IGFL2: variants seen among roughly 807,000 people sequenced by gnomAD.
The protein encoded by IGFL2 is insulin growth factor-like family member 2.
Under a neutral mutation model 13.9 loss-of-function variants are expected in IGFL2, and 7 were observed. The observed-to-expected ratio is 0.51, with a 90% CI of 0.29 to 0.95. The LOEUF is 0.95. Ranked by LOEUF, IGFL2 falls within the 40% of genes least tolerant of loss-of-function variation. IGFL2 has a pLI of 0.08. For synonymous variants in IGFL2, 55 were observed against 55.8 expected, an observed-to-expected ratio of 0.99 and a Z score of 0.07; for missense variants, 138 against 147.8, an observed-to-expected ratio of 0.93 and a Z score of 0.34.
At chr19:46,200,035 C>A in the IGFL2 span, among the ~76,000 whole-genome samples, 1 of 152,160 alleles carries the variant, frequency 6.6e-6, no homozygotes, top group African/African-American at 2.4e-5. Context: ...CGCCACCACG[C>A]CTGGCTAATT....
At chr19:46,126,427 T>C in the IGFL2 span, among the ~76,000 whole-genome samples, 1 of 152,232 alleles carries the variant, frequency 6.6e-6, no homozygotes, top group South Asian at 2.1e-4. Context: ...CTTCTTTCTT[T>C]GAATTTTCTT....
chr19:46,167,893 C>A, the IGFL2 span, among the ~76,000 whole-genome samples: 2 of 152,320 alleles, frequency 1.3e-5, no homozygotes, highest in South Asian at 2.1e-4. Flanking sequence ...ACGGCATTGA[C>A]CAGCACCTTG....
rs1233884285 is a variant in IGFL2 at position 46,148,990 on chromosome 19, G to A, written c.19+693G>A. 1.0e-5 allele frequency: 16 copies of A among 1,601,478 alleles called. No individual in the cohort carries two copies. The highest frequency in any genetic ancestry group is 1.4e-5 in the Non-Finnish European group (16 of 1,174,302). ...GGCTCTCAGCGCCAGGAAATCATGA[G>A]GTTCAGTGTCTCAGGCATGAGGACC... On this transcript the variant is annotated intron_variant, in intron 1 of 3. Transcript: ENST00000377693.
the IGFL2 span, among the ~76,000 whole-genome samples, chr19:46,170,214 C>T: frequency 2.0e-5 from 3 of 151,518 alleles, no homozygotes; most frequent in Non-Finnish European, 4.4e-5. Context: ...GTGTTGGTGT[C>T]ACTCACTGTT....
chr19:46,087,724 A>G, the IGFL2 span, among the ~76,000 whole-genome samples: 2,051 of 152,372 alleles, frequency 0.013, 31 homozygotes, highest in Middle Eastern at 0.027. Flanking sequence ...TCCTTGGGGC[A>G]TGAGAAAATG....
chr19:46,112,388 T>A, the IGFL2 span, among the ~76,000 whole-genome samples: 1 of 152,204 alleles, frequency 6.6e-6, no homozygotes, highest in Admixed American at 6.5e-5. Context: ...CTAGTGACCC[T>A]GTTTTTCCAA....
chr19:46,140,550 A>G (rs1972816410), upstream of IGFL2, among the ~76,000 whole-genome samples: 1 of 152,196 alleles, frequency 6.6e-6, no homozygotes, highest in Admixed American at 6.5e-5. Context: ...TTTCTAGTCA[A>G]GCATGTAAGA....
chr19:46,086,895 A>G, the IGFL2 span, among the ~76,000 whole-genome samples: 1 of 152,106 alleles, frequency 6.6e-6, no homozygotes, highest in African/African-American at 2.4e-5. Flanking sequence ...GGCTATAAAC[A>G]GCATCAGTGG....
the IGFL2 span, among the ~76,000 whole-genome samples, chr19:46,110,058 C>T: frequency 1.3e-5 from 2 of 152,194 alleles, no homozygotes; most frequent in East Asian, 3.9e-4. Context: ...GATTGTAGCC[C>T]TCCAGGCACC....
chr19:46,124,724 G>T, the IGFL2 span: 1 of 1,304,352 alleles, frequency 7.7e-7, no homozygotes, highest in African/African-American at 1.5e-5. Context: ...CCTAAATGGG[G>T]TTGTCTGTTA....
At chr19:46,114,271 C>T in the IGFL2 span, among the ~76,000 whole-genome samples, 1 of 152,156 alleles carries the variant, frequency 6.6e-6, no homozygotes, top group African/African-American at 2.4e-5. Context: ...CTATCCTCAG[C>T]TTCCCCATGC....
intron 1 of IGFL2, among the ~76,000 whole-genome samples, chr19:46,153,782 G>A (rs923303835): frequency 5.4e-5 from 8 of 149,082 alleles, no homozygotes; most frequent in African/African-American, 1.7e-4. Flanking sequence ...TTTTTTTGGG[G>A]TAGCTTTTGC....
chr19:46,139,955 CAT>C (rs368791741), upstream of IGFL2, among the ~76,000 whole-genome samples: 15 of 151,088 alleles, frequency 9.9e-5, no homozygotes, highest in African/African-American at 9.7e-5. Flanking sequence ...CACACACACA[CAT>C]ATATATTTTG....
At chr19:46,178,747 TAAG>T in the IGFL2 span, among the ~76,000 whole-genome samples, 1 of 152,184 alleles carries the variant, frequency 6.6e-6, no homozygotes, top group Non-Finnish European at 1.5e-5. Context: ...AATCCACCCA[TAAG>T]CCCCCACTTC....
the IGFL2 span, among the ~76,000 whole-genome samples, chr19:46,205,931 G>C: frequency 6.6e-6 from 1 of 152,156 alleles, no homozygotes; most frequent in African/African-American, 2.4e-5. Context: ...GAAAGCACAT[G>C]GTGTGCCCAG....
At chr19:46,080,562 G>C in the IGFL2 span, among the ~76,000 whole-genome samples, 1 of 152,180 alleles carries the variant, frequency 6.6e-6, no homozygotes, top group East Asian at 1.9e-4. Flanking sequence ...CCAAGTCTTT[G>C]TATCTGTGTA....
the IGFL2 span, among the ~76,000 whole-genome samples, chr19:46,078,816 C>T: frequency 1.3e-5 from 2 of 151,608 alleles, no homozygotes; most frequent in Non-Finnish European, 2.9e-5. Context: ...GCGCAGGCGT[C>T]GTCAGTAGAC....
At chr19:46,152,081 C>T (rs568189031) in intron 1 of IGFL2, among the ~76,000 whole-genome samples, 1 of 152,254 alleles carries the variant, frequency 6.6e-6, no homozygotes, top group East Asian at 1.9e-4. Context: ...ACAAATCTTG[C>T]ACCTCTTCTG....
Position 46,148,317 on chromosome 19 carries a change from A to C in IGFL2, c.19+20A>C. The C allele has an allele frequency of 6.5e-7, 1 of 1,548,828 alleles. No individual in the cohort carries two copies. The highest frequency in any genetic ancestry group is 1.2e-5 in the South Asian group (1 of 84,016). On this transcript the variant is annotated intron_variant, in intron 1 of 3. Transcript: ENST00000377693. The stretch of plus-strand genomic sequence containing the variant: ...TCTTCGGTAAGGTAACCCTTGCCCC[A>C]GGTTGAGCTAATGCCTACTGTTATC...
Sources: allele counts gnomAD v4.1 joint callset (sites outside exome capture counted in the v4.1 genomes callset), GRCh38; gene constraint gnomAD v4.1.1; transcripts MANE v1.5; gene names NCBI Gene and HGNC (gene_info 2026-07-23, HGNC 2026-07-21).